Variants in RORA observed in about 807,000 individuals in gnomAD.
RORA encodes nuclear receptor ROR-alpha.
Under a neutral mutation model 69.5 loss-of-function variants are expected in RORA, and 7 were observed. The ratio of observed to expected loss-of-function variants is 0.10; its 90% confidence interval spans 0.06 to 0.19. The LOEUF (loss-of-function observed/expected upper bound fraction) is 0.19. RORA is among the 10% of genes least tolerant of loss of function. The probability of loss-of-function intolerance (pLI) is 1.00; values close to 1 mark genes in which losing one functional copy is unlikely to be tolerated. For missense variants in RORA, 457 were observed against 663.0 expected, an observed-to-expected ratio of 0.69 and a Z score of 3.41; for synonymous variants, 261 against 240.8, an observed-to-expected ratio of 1.08 and a Z score of -0.78.
At chr15:60,512,390 G>T (rs192915178) in intron 4 of RORA, among the ~76,000 whole-genome samples, 1 of 152,126 alleles carries the variant, frequency 6.6e-6, no homozygotes, top group African/African-American at 2.4e-5. Flanking sequence ...AGGTTTGAGC[G>T]ATCCTCCCGC....
At chr15:60,798,095 G>A (rs753212714) in intron 1 of RORA, among the ~76,000 whole-genome samples, 15 of 151,710 alleles carry the variant, frequency 9.9e-5, no homozygotes, top group Non-Finnish European at 1.5e-4. Flanking sequence ...AAAAGTTTCC[G>A]TCTGGCAATA....
At chr15:60,820,343 C>A (rs1212686681) in intron 1 of RORA, among the ~76,000 whole-genome samples, 1 of 152,106 alleles carries the variant, frequency 6.6e-6, no homozygotes, top group East Asian at 1.9e-4. Context: ...TGGACAGTAT[C>A]AGGTGTTGTC....
At chr15:61,212,140 C>A (rs909815628) in intron 1 of RORA, among the ~76,000 whole-genome samples, 3 of 152,146 alleles carry the variant, frequency 2.0e-5, no homozygotes, top group Non-Finnish European at 4.4e-5. Context: ...CTATCCACAG[C>A]TACTATTCAT....
At chr15:60,559,095 G>A (rs2067457811) in intron 2 of RORA, among the ~76,000 whole-genome samples, 2 of 151,752 alleles carry the variant, frequency 1.3e-5, no homozygotes, top group African/African-American at 2.4e-5. Context: ...ATCAAATAAA[G>A]AACATTTAAT....
chr15:60,773,303 A>G (rs1335235354), intron 1 of RORA, among the ~76,000 whole-genome samples: 1 of 152,080 alleles, frequency 6.6e-6, no homozygotes, highest in Non-Finnish European at 1.5e-5. Flanking sequence ...ATAGTGATTT[A>G]CTGAAAACCT....
intron 1 of RORA, among the ~76,000 whole-genome samples, chr15:60,948,353 T>G (rs967816091): frequency 1.3e-5 from 2 of 152,128 alleles, no homozygotes; most frequent in Admixed American, 6.5e-5. Context: ...TTAGAAGAAA[T>G]AAATACATTT....
chr15:60,950,206 A>G (rs1250527059), intron 1 of RORA, among the ~76,000 whole-genome samples: 1 of 151,606 alleles, frequency 6.6e-6, no homozygotes, highest in African/African-American at 2.4e-5. Flanking sequence ...TAAGTGAAGG[A>G]GAAATAAAAC....
intron 3 of RORA, chr15:60,529,966 A>T (rs2066480553): frequency 6.6e-6 from 1 of 152,250 alleles, no homozygotes; most frequent in Non-Finnish European, 1.5e-5. Context: ...GTGAACTGGT[A>T]TCCGGGATGC....
intron 1 of RORA, among the ~76,000 whole-genome samples, chr15:60,818,509 G>C (rs2072847268): frequency 6.6e-6 from 1 of 152,210 alleles, no homozygotes; most frequent in Admixed American, 6.5e-5. Context: ...GCCCAATGCA[G>C]AACCAGCATG....
rs17303139 is a variant in RORA at position 60,744,420 on chromosome 15, T to C, written c.167-65734A>G. Among the ~76,000 whole-genome samples the C allele has an allele frequency of 6.1e-3, 932 of 152,304 alleles. 22 individuals carry two copies. The highest frequency in any genetic ancestry group is 0.04 in the Admixed American group (613 of 15,300). ...GGACAGACTCCCATACCCATGTAGC[T>C]GATTCGGTTATATCCAGGGAGGCAT... On this transcript the variant is annotated intron_variant, in intron 1 of 10. Coordinates refer to ENST00000335670, the MANE Select transcript of RORA (RefSeq NM_134261.3).
At chr15:60,931,320 C>A (rs905225376) in intron 1 of RORA, among the ~76,000 whole-genome samples, 2 of 152,210 alleles carry the variant, frequency 1.3e-5, no homozygotes, top group African/African-American at 2.4e-5. Context: ...CCACTGGATG[C>A]CCTGCCACCC....
chr15:60,896,807 C>A (rs1013399170), intron 1 of RORA, among the ~76,000 whole-genome samples: 1 of 145,260 alleles, frequency 6.9e-6, no homozygotes, highest in Non-Finnish European at 1.5e-5. Flanking sequence ...AGTGGAAATT[C>A]AAGAGCTGTC....
rs1456254699 is a variant in RORA, at chr15:61,131,248, C to T, written c.166+97805G>A. On this transcript the variant is annotated intron_variant, in intron 1 of 10. Transcript: ENST00000335670. The surrounding 1 kb of genome is among the most constrained non-coding windows in gnomAD (Gnocchi z 4.2). Reference sequence around the variant, plus strand: ...CTATGTCACTAACTCTCTAGGTGGCCTCATCCCACTTGTGATTCAGCAAAA... The same window carrying T: ...CTATGTCACTAACTCTCTAGGTGGCTTCATCCCACTTGTGATTCAGCAAAA... 6.6e-6 allele frequency among the ~76,000 whole-genome samples: 1 copy of T among 152,220 alleles called. No homozygotes were observed. The highest frequency in any genetic ancestry group is 1.5e-5 in the Non-Finnish European group (1 of 68,034).
chr15:60,985,482 C>T (rs984151946), intron 1 of RORA, among the ~76,000 whole-genome samples: 1 of 151,674 alleles, frequency 6.6e-6, no homozygotes, highest in African/African-American at 2.4e-5. Context: ...AATTTTAGTA[C>T]CTGTATGTTC....
chr15:61,021,008 T>A (rs1895495282), intron 1 of RORA, among the ~76,000 whole-genome samples: 1 of 152,206 alleles, frequency 6.6e-6, no homozygotes. Flanking sequence ...GATGGCTTTG[T>A]GCTTTGCTTC....
intron 1 of RORA, chr15:61,214,282 T>G (rs1024257336): frequency 6.6e-6 from 1 of 152,252 alleles, no homozygotes; most frequent in African/African-American, 2.4e-5. Context: ...ATATTGATGC[T>G]TTTTCATTGA....
At chr15:61,129,052 G>A (rs1050545797) in intron 1 of RORA, among the ~76,000 whole-genome samples, 1 of 152,120 alleles carries the variant, frequency 6.6e-6, no homozygotes, top group Non-Finnish European at 1.5e-5. Context: ...CACATGTCTC[G>A]TTAACACTAA....
At chr15:60,802,907 G>A (rs2072606283) in intron 1 of RORA, among the ~76,000 whole-genome samples, 1 of 151,984 alleles carries the variant, frequency 6.6e-6, no homozygotes, top group African/African-American at 2.4e-5. Context: ...AAAACAGGAA[G>A]GAAAACCCTT....
chr15:61,009,650 T>C (rs1895028304), intron 1 of RORA, among the ~76,000 whole-genome samples: 1 of 152,192 alleles, frequency 6.6e-6, no homozygotes, highest in African/African-American at 2.4e-5. Context: ...ACCTCACAAA[T>C]CTTGAACTAC....
Sources: allele counts gnomAD v4.1 joint callset (sites outside exome capture counted in the v4.1 genomes callset), GRCh38; gene constraint gnomAD v4.1.1; non-coding constraint Gnocchi (gnomAD v3.1); transcripts MANE v1.5; gene names NCBI Gene and HGNC (gene_info 2026-07-23, HGNC 2026-07-21).